The following EIF4E3 variants were observed in gnomAD, a reference collection of about 807,000 sequenced individuals.
EIF4E3 encodes the protein eukaryotic translation initiation factor 4E type 3.
A neutral mutation model predicts 31.7 loss-of-function variants in EIF4E3; 26 were observed. The ratio of observed to expected loss-of-function variants is 0.82; its 90% CI spans 0.60 to 1.14. The LOEUF (loss-of-function observed/expected upper bound fraction) is 1.14, where lower values mean the gene tolerates loss of function less well. Among genes scored for constraint, EIF4E3 ranks in the 50% most tolerant of loss-of-function variants. The pLI, the probability that EIF4E3 is intolerant of heterozygous loss-of-function variation, is 0.00. For synonymous variants in EIF4E3, 128 were observed against 107.7 expected (o/e 1.19, Z -1.17); for missense variants, 304 against 270.9 (o/e 1.12, Z -0.86).
upstream of EIF4E3, chr3:71,754,275 A>T (rs751558898): frequency 1.7e-6 from 2 of 1,193,636 alleles, no homozygotes; most frequent in Non-Finnish European, 2.1e-6. The surrounding 1 kb of genome is among the most constrained non-coding windows in gnomAD (Gnocchi z 5.8). Context: ...CCCGGCCGTC[A>T]TGCTGGCGGC....
chr3:71,688,574 G>A (rs2049022493), intron 6 of EIF4E3, among the ~76,000 whole-genome samples: 1 of 152,194 alleles, frequency 6.6e-6, no homozygotes, highest in African/African-American at 2.4e-5. Context: ...CCTCTTTAGA[G>A]TCAAGTGTGG....
upstream of EIF4E3, chr3:71,754,420 TCG>T: frequency 7.4e-7 from 1 of 1,350,648 alleles, no homozygotes; most frequent in Admixed American, 2.7e-5. This position sits in a 1 kb window ranked among gnomAD's most constrained non-coding sequence, Gnocchi z 5.8. Context: ...TACCTGGCCA[TCG>T]CGCACCACCG....
At chr3:71,669,444 C>T in the EIF4E3 span, among the ~76,000 whole-genome samples, 19 of 152,102 alleles carry the variant, frequency 1.2e-4, no homozygotes, top group East Asian at 1.9e-4. Flanking sequence ...AAACCTGTAT[C>T]GTCATGGATA....
intron 4 of EIF4E3, among the ~76,000 whole-genome samples, chr3:71,696,030 T>C (rs1282077351): frequency 6.6e-6 from 1 of 152,228 alleles, no homozygotes; most frequent in African/African-American, 2.4e-5. Flanking sequence ...CAAGCCTCCC[T>C]ATTCTCTGTG....
chr3:71,695,332 C>T (rs893047607), intron 4 of EIF4E3, among the ~76,000 whole-genome samples: 4 of 152,140 alleles, frequency 2.6e-5, no homozygotes, highest in African/African-American at 9.7e-5. Context: ...GATATGAAAG[C>T]GTTATTATTT....
At chr3:71,690,705 G>A (rs978526491) in intron 5 of EIF4E3, among the ~76,000 whole-genome samples, 5 of 152,138 alleles carry the variant, frequency 3.3e-5, no homozygotes, top group East Asian at 1.9e-4. Context: ...TGCTTTCTGC[G>A]GTTTACTTGT....
At chr3:71,743,078 G>A (rs1367988013) in intron 1 of EIF4E3, among the ~76,000 whole-genome samples, 2 of 152,254 alleles carry the variant, frequency 1.3e-5, no homozygotes, top group South Asian at 2.1e-4. Flanking sequence ...CTTTTAATAT[G>A]AGAGAAGAGA....
At chr3:71,660,451 C>G in the EIF4E3 span, among the ~76,000 whole-genome samples, 1 of 152,152 alleles carries the variant, frequency 6.6e-6, no homozygotes, top group East Asian at 1.9e-4. Flanking sequence ...AGATCAAAGG[C>G]AAGTCGATTG....
rs1424003842 is a variant in EIF4E3 at position 71,684,561 on chromosome 3, C to G, written c.*121G>C. 2 of 1,224,424 alleles carry G rather than the reference C, an allele frequency of 1.6e-6. No individual in the cohort carries two copies. Among genetic ancestry groups the G allele is most frequent in the Non-Finnish European group, 2.3e-6 (2 of 860,108 alleles). The allele number at this position is 1,224,424 out of a possible 1,614,324, so 75.8% of individuals were successfully genotyped here. ...AGTCCTAATTGCCCATCTGCAAGGA[C>G]AGAAACCCACTCTAAATTGACCAGC... On this transcript the variant is annotated 3_prime_UTR_variant, in exon 7 of 7. Coordinates refer to ENST00000425534, the MANE Select transcript of EIF4E3 (RefSeq NM_001134651.2).
intron 1 of EIF4E3, among the ~76,000 whole-genome samples, chr3:71,720,178 G>A (rs548933127): frequency 2.0e-5 from 3 of 151,406 alleles, no homozygotes; most frequent in Non-Finnish European, 4.4e-5. Flanking sequence ...ATGTATGTAC[G>A]TACATATGTA....
At chr3:71,670,741 T>G (rs1177450635), downstream of EIF4E3, among the ~76,000 whole-genome samples, 1 of 152,140 alleles carries the variant, frequency 6.6e-6, no homozygotes, top group Non-Finnish European at 1.5e-5. Flanking sequence ...CCATGAAGCA[T>G]TACTATCAAG....
chr3:71,722,308 C>T (rs62246333), intron 1 of EIF4E3, among the ~76,000 whole-genome samples: 12,194 of 152,212 alleles, frequency 0.08, 608 homozygotes, highest in East Asian at 0.28. Flanking sequence ...AGCACTGGAT[C>T]TAAGAGTGTA....
intron 1 of EIF4E3, among the ~76,000 whole-genome samples, chr3:71,734,415 A>T (rs2049740329): frequency 6.6e-6 from 1 of 152,214 alleles, no homozygotes; most frequent in Admixed American, 6.5e-5. Context: ...ATTTGGGATG[A>T]GTCCCTATCA....
chr3:71,714,661 T>C (rs1479363769), intron 1 of EIF4E3, among the ~76,000 whole-genome samples: 2 of 152,210 alleles, frequency 1.3e-5, no homozygotes, highest in South Asian at 2.1e-4. Context: ...GCCGTATCCA[T>C]AGAATCAATT....
At chr3:71,711,751 T>A (rs1291489509) in intron 1 of EIF4E3, among the ~76,000 whole-genome samples, 1 of 152,128 alleles carries the variant, frequency 6.6e-6, no homozygotes, top group Non-Finnish European at 1.5e-5. Context: ...CTGAGGCAGG[T>A]AAATCACTTG....
chr3:71,711,777 G>C (rs1023405417), intron 1 of EIF4E3, among the ~76,000 whole-genome samples: 3 of 152,146 alleles, frequency 2.0e-5, no homozygotes, highest in African/African-American at 7.2e-5. Context: ...AGGAGTTTGA[G>C]ACCAGCATGG....
At chr3:71,686,779 T>C (rs1020217923) in intron 6 of EIF4E3, among the ~76,000 whole-genome samples, 3 of 152,122 alleles carry the variant, frequency 2.0e-5, no homozygotes, top group Non-Finnish European at 2.9e-5. Context: ...GGGGTGGTCA[T>C]AGTTGCAAAC....
chr3:71,716,866 C>A (rs139055081), intron 1 of EIF4E3, among the ~76,000 whole-genome samples: 24 of 152,292 alleles, frequency 1.6e-4, no homozygotes, highest in Admixed American at 2.6e-4. Flanking sequence ...CCAAGCATGG[C>A]CCCAGCTGTC....
At chr3:71,729,510 C>T (rs76789568), upstream of EIF4E3, among the ~76,000 whole-genome samples, 5,890 of 152,216 alleles carry the variant, frequency 0.039, 389 homozygotes, top group African/African-American at 0.13. Context: ...TCTCCCTAAA[C>T]CTGGCAAGCT....
Sources: gnomAD v4.1 joint callset for allele counts (sites outside exome capture counted in the v4.1 genomes callset) on GRCh38, gnomAD v4.1.1 for gene constraint, Gnocchi (gnomAD v3.1) non-coding constraint, MANE v1.5 for transcripts, NCBI Gene and HGNC (gene_info 2026-07-23, HGNC 2026-07-21) for gene names.